EP400: variants seen among roughly 807,000 people sequenced by gnomAD.
The protein encoded by EP400 is E1A-binding protein p400.
A neutral mutation model predicts 354.1 loss-of-function variants in EP400; 105 were observed. The observed-to-expected ratio is 0.30, with a 90% CI of 0.25 to 0.35. The LOEUF is 0.35. Ranked by LOEUF, EP400 falls within the 10% of genes least tolerant of loss-of-function variation. The pLI is 1.00. For synonymous variants in EP400, 1,646 were observed against 1,716.9 expected, an observed-to-expected ratio of 0.96 and a Z score of 1.02; for missense variants, 3,280 against 4,121.0, an observed-to-expected ratio of 0.80 and a Z score of 5.59.
At chr12:131,959,900 A>C (rs1297633108) in intron 1 of EP400, among the ~76,000 whole-genome samples, 1 of 152,230 alleles carries the variant, frequency 6.6e-6, no homozygotes, top group Non-Finnish European at 1.5e-5. Context: ...GGCCTGACAC[A>C]CAAATGGGGC....
At chr12:132,030,726 AGTT>A (rs979543938) in intron 29 of EP400, among the ~76,000 whole-genome samples, 9 of 152,232 alleles carry the variant, frequency 5.9e-5, no homozygotes, top group African/African-American at 1.2e-4. Context: ...CTGTCTACAT[AGTT>A]GTTGTTGAAA....
intron 51 of EP400, among the ~76,000 whole-genome samples, chr12:132,071,238 C>T (rs1896058846): frequency 6.6e-6 from 1 of 151,988 alleles, no homozygotes; most frequent in African/African-American, 2.4e-5. Flanking sequence ...TCCCTCCCTC[C>T]CTTACACATC....
chr12:131,952,153 A>C (rs1891526767), intron 1 of EP400, among the ~76,000 whole-genome samples: 1 of 151,124 alleles, frequency 6.6e-6, no homozygotes, highest in Non-Finnish European at 1.5e-5. Flanking sequence ...AATACAAAAA[A>C]TTAATCGGGC....
At chr12:132,014,821 G>A (rs1291750517) in intron 19 of EP400, among the ~76,000 whole-genome samples, 3 of 152,226 alleles carry the variant, frequency 2.0e-5, no homozygotes, top group Non-Finnish European at 2.9e-5. Context: ...GCTGTGGCGG[G>A]AGCAGACGCC....
rs898055152 is a variant in EP400, at chr12:132,045,742, C to T, written c.7042C>T (p.Leu2348=). The T allele has an allele frequency of 6.2e-7, 1 of 1,614,254 alleles. No individual in the cohort carries two copies. The highest frequency in any genetic ancestry group is 8.5e-7 in the Non-Finnish European group (1 of 1,180,048). ...CCTTCTCTAGGCTGTAAAGCAGTTA[C>T]TGGAGCTGCCTTTGAACCTCACAAT... ...WALLQAVKQL[L]ELPLNLTIVS... is the part of the protein sequence containing the mutation. Residue 2348 remains leucine, a synonymous_variant, in exon 39 of 53, where the codon CTG becomes TTG. Transcript: ENST00000389561.
In EP400 at chr12:132,028,102, G is replaced by A; in HGVS notation, c.5195G>A (p.Gly1732Asp). 6.2e-7 allele frequency: 1 copy of A among 1,614,190 alleles called. No individual in the cohort carries two copies. Among genetic ancestry groups the A allele is most frequent in the Non-Finnish European group, 8.5e-7 (1 of 1,180,026 alleles). The change falls in exon 27 of 53, where the codon GGC becomes GAC. Residue 1732 changes from glycine to aspartate, a missense_variant. Coordinates refer to ENST00000389561, the MANE Select transcript of EP400 (RefSeq NM_015409.5). Reference protein sequence around the residue: ...ERRCSQAPVYGRDLLRICALP... With the variant: ...ERRCSQAPVYDRDLLRICALP... ...CGCTGTTCTCAAGCTCCAGTCTATGGCAGAGACTTGCTAAGGATTTGTGCC... is the reference window on the plus strand; with the variant it reads ...CGCTGTTCTCAAGCTCCAGTCTATGACAGAGACTTGCTAAGGATTTGTGCC...
At chr12:131,985,193 T>C (rs916927620) in intron 5 of EP400, among the ~76,000 whole-genome samples, 8 of 152,236 alleles carry the variant, frequency 5.3e-5, no homozygotes, top group Non-Finnish European at 7.3e-5. Flanking sequence ...ACAAAGTCTG[T>C]AGGAACCTGT....
rs1348431927 is a variant in EP400, at chr12:132,080,193, A to T, written c.*2520A>T. On this transcript the variant is annotated 3_prime_UTR_variant, in exon 53 of 53. Coordinates refer to ENST00000389561, the MANE Select transcript of EP400 (RefSeq NM_015409.5). ...AAACAGTTAGCCAGACTGTTTTTAA[A>T]GCACCTGGCGGGAAGCAGAAGGTTG... The T allele has an allele frequency of 6.6e-6, 1 of 152,470 alleles. No homozygotes were observed. The highest frequency in any genetic ancestry group is 1.5e-5 in the Non-Finnish European group (1 of 68,046). 9.4% of individuals were successfully genotyped at this position (152,470 alleles called of 1,614,324 possible).
intron 3 of EP400, among the ~76,000 whole-genome samples, chr12:131,980,061 T>C (rs1384820021): frequency 2.0e-5 from 3 of 152,348 alleles, no homozygotes; most frequent in Non-Finnish European, 4.4e-5. Context: ...ACGGTGTGAT[T>C]AAACACAAAA....
intron 24 of EP400, among the ~76,000 whole-genome samples, chr12:132,024,804 G>A (rs1019033106): frequency 9.5e-5 from 10 of 104,770 alleles, no homozygotes; most frequent in South Asian, 3.4e-4. Context: ...CTGCCTCCCC[G>A]CCACCCCCCC....
chr12:132,030,261 AGGGG>A, intron 29 of EP400, 103 bp downstream of exon 29: 4 of 1,339,260 alleles, frequency 3.0e-6, no homozygotes, highest in Non-Finnish European at 3.1e-6. Flanking sequence ...TCTAAGTGAA[AGGGG>A]AGGGACTTAA....
At chr12:132,044,468 A>C (rs948515958) in intron 35 of EP400, among the ~76,000 whole-genome samples, 157 bp downstream of exon 35, 7 of 152,228 alleles carry the variant, frequency 4.6e-5, no homozygotes, top group African/African-American at 1.7e-4. Context: ...TGTTCTAAAA[A>C]CACAATTTTC....
Position 131,979,771 on chromosome 12 carries a change from G to T in EP400, c.1413G>T (p.Ala471=). 1.2e-6 allele frequency: 2 copies of T among 1,607,448 alleles called. No individual in the cohort carries two copies. Among genetic ancestry groups the T allele is most frequent in the Non-Finnish European group, 1.7e-6 (2 of 1,176,960 alleles). The change falls in exon 3 of 53, where the codon GCG becomes GCT. Residue 471 remains alanine (A), a synonymous_variant. Coordinates refer to ENST00000389561, the MANE Select transcript of EP400 (RefSeq NM_015409.5). ...VETDLFKRQQ[A]MPSTGMAEQS... is the part of the protein sequence containing the mutation. ...CGGACCTGTTTAAGAGGCAGCAGGC[G>T]ATGCCCTCCACAGGTATGGCAGGTA... is the stretch of plus-strand genomic sequence containing the variant.
chr12:131,982,370 C>T lies in EP400; in HGVS notation c.1821C>T (p.Pro607=), dbSNP rs1259669066. 7.4e-6 allele frequency: 12 copies of T among 1,614,114 alleles called. No homozygotes were observed. Among genetic ancestry groups the T allele is most frequent in the African/African-American group, 1.3e-5 (1 of 74,938 alleles). Residue 607 remains proline (P), a synonymous_variant, in exon 5 of 53, where the codon CCC becomes CCT. Transcript: ENST00000389561. ...CCAATGTTCCCATCCCTGCACCGCC[C>T]AGCAGCCAACTCCCCATCCCTCCCT... ...QQPNVPIPAP[P]SSQLPIPPSQ...
chr12:131,992,037 C>T (rs1257819433), intron 10 of EP400, 136 bp from the exon 11 acceptor site: 1 of 857,350 alleles, frequency 1.2e-6, no homozygotes, highest in Non-Finnish European at 1.9e-6. Context: ...CTGCCCCGAC[C>T]CCAAATGGAG....
chr12:132,023,534 A>G (rs1786695788), intron 23 of EP400, among the ~76,000 whole-genome samples: 8 of 152,114 alleles, frequency 5.3e-5, no homozygotes, highest in Admixed American at 5.2e-4. Flanking sequence ...AATATCTGAT[A>G]TCTAAAATCC....
At chr12:132,039,697 T>C (rs552618700) in intron 32 of EP400, among the ~76,000 whole-genome samples, 11 of 152,296 alleles carry the variant, frequency 7.2e-5, no homozygotes, top group African/African-American at 2.2e-4. Flanking sequence ...CTCATTGTGT[T>C]TTAAGGAGGT....
At chr12:132,031,207 C>T (rs377161358) in intron 29 of EP400, 15 of 518,504 alleles carry the variant, frequency 2.9e-5, no homozygotes, top group African/African-American at 9.6e-5. Flanking sequence ...CTATCCTTCA[C>T]GGTTTTGTTT....
In EP400 at chr12:131,986,720, T is replaced by C. The variant is rs747291529; in HGVS notation, c.2136T>C (p.Ser712=). The stretch of plus-strand genomic sequence containing the variant: ...CCCGGACCCCAGGGGTGGTGGCATC[T>C]GCCCCCACCAAACCACAGAGTCCTG... The part of the protein sequence containing the change: ...VTSRTPGVVA[S]APTKPQSPAQ... Residue 712 remains serine (S), a synonymous_variant, in exon 6 of 53, where the codon TCT becomes TCC. Transcript: ENST00000389561. 6.8e-6 allele frequency: 11 copies of C among 1,614,234 alleles called. No homozygotes were observed. In the South Asian group the frequency reaches 1.1e-4, roughly 16 times the overall value.
Sources: allele counts gnomAD v4.1 joint callset (sites outside exome capture counted in the v4.1 genomes callset), GRCh38; gene constraint gnomAD v4.1.1; transcripts MANE v1.5; gene names NCBI Gene and HGNC (gene_info 2026-07-23, HGNC 2026-07-21).